Variants in CSMD1 observed in about 807,000 individuals in gnomAD.
CSMD1 encodes CUB and sushi domain-containing protein 1.
CSMD1 carries 213 observed loss-of-function variants against 417.5 expected under a neutral mutation model. The observed-to-expected ratio is 0.51, with a 90% CI of 0.46 to 0.57. CSMD1 has a LOEUF of 0.57. Among genes scored for constraint, CSMD1 ranks in the 20% least tolerant of loss-of-function variants. The pLI is 0.00. For missense variants in CSMD1, 6,923 were observed against 4,529.7 expected, an observed-to-expected ratio of 1.53 and a Z score of -15.17; for synonymous variants, 2,862 against 1,736.8, an observed-to-expected ratio of 1.65 and a Z score of -16.11.
intron 1 of CSMD1, among the ~76,000 whole-genome samples, chr8:4,915,883 G>C (rs1240473036): frequency 6.6e-6 from 1 of 152,200 alleles, no homozygotes; most frequent in Non-Finnish European, 1.5e-5. Flanking sequence ...TTTTCAGCAA[G>C]CCATAAGTGC....
rs548560076 is a variant in CSMD1 at position 4,099,876 on chromosome 8, T to C, written c.416-67777A>G. On this transcript the variant is annotated intron_variant, in intron 3 of 69. Transcript: ENST00000635120. ...TCTTTTCCGTTTATTTAAGTTTTAG[T>C]TGTACTGGGAACCAGTTCAGACATG... 1.9e-4 allele frequency among the ~76,000 whole-genome samples: 29 copies of C among 152,292 alleles called. 2 individuals are homozygous for C. In the South Asian group the frequency reaches 5.6e-3, roughly 29 times the overall value.
At chr8:3,780,433 G>C (rs569146086) in intron 5 of CSMD1, among the ~76,000 whole-genome samples, 1 of 152,206 alleles carries the variant, frequency 6.6e-6, no homozygotes, top group Non-Finnish European at 1.5e-5. Context: ...TGACTCACTA[G>C]TAAGAGTGGA....
chr8:3,260,991 C>T (rs9644334), intron 26 of CSMD1, among the ~76,000 whole-genome samples: 1 of 150,894 alleles, frequency 6.6e-6, no homozygotes, highest in African/African-American at 2.5e-5. Flanking sequence ...GGAAAAGGAA[C>T]AACAACAACA....
chr8:3,293,398 C>G (rs866355440), intron 25 of CSMD1, among the ~76,000 whole-genome samples: 2 of 152,138 alleles, frequency 1.3e-5, no homozygotes, highest in African/African-American at 4.8e-5. Flanking sequence ...GGAATTTCTC[C>G]TGGTTAATAT....
At chr8:3,647,482 G>A (rs1797635322) in intron 7 of CSMD1, among the ~76,000 whole-genome samples, 2 of 152,088 alleles carry the variant, frequency 1.3e-5, no homozygotes. Context: ...AGCATAAAAA[G>A]AAATATAGCA....
At chr8:4,368,045 C>A (rs1802188049) in intron 3 of CSMD1, among the ~76,000 whole-genome samples, 1 of 152,116 alleles carries the variant, frequency 6.6e-6, no homozygotes, top group African/African-American at 2.4e-5. Context: ...ACTTCCAGTA[C>A]TATGTTGAAT....
chr8:3,245,900 A>G (rs1405232305), intron 26 of CSMD1, among the ~76,000 whole-genome samples: 1 of 152,210 alleles, frequency 6.6e-6, no homozygotes, highest in East Asian at 1.9e-4. Flanking sequence ...ATTGCCAGTG[A>G]CATGAATCGC....
intron 5 of CSMD1, among the ~76,000 whole-genome samples, chr8:3,885,698 G>A (rs1806515542): frequency 6.6e-6 from 1 of 152,036 alleles, no homozygotes; most frequent in Non-Finnish European, 1.5e-5. Context: ...AAATGCACGT[G>A]TGAGCTCATG....
chr8:3,377,985 G>A (rs59125032), intron 18 of CSMD1, among the ~76,000 whole-genome samples: 1 of 152,128 alleles, frequency 6.6e-6, no homozygotes, highest in Admixed American at 6.5e-5. Flanking sequence ...TCATGGCCTG[G>A]AGCAATTCCA....
chr8:4,994,309 G>T (rs566270893), intron 1 of CSMD1, 23 bp downstream of exon 1: 2 of 1,604,654 alleles, frequency 1.2e-6, no homozygotes, highest in Admixed American at 1.7e-5. Context: ...CCGCCTCCCC[G>T]GCCAGGAGCA....
intron 1 of CSMD1, among the ~76,000 whole-genome samples, chr8:4,684,639 T>G (rs185617998): frequency 2.4e-4 from 37 of 152,314 alleles, no homozygotes; most frequent in Non-Finnish European, 4.6e-4. Flanking sequence ...ATTAATTGAA[T>G]GTAAGGATTA....
At chr8:3,975,554 T>C (rs910195604) in intron 5 of CSMD1, among the ~76,000 whole-genome samples, 1 of 152,186 alleles carries the variant, frequency 6.6e-6, no homozygotes, top group Non-Finnish European at 1.5e-5. Context: ...ACTGTCGGGA[T>C]GACGGGCAGC....
At position 4,466,978 on chromosome 8, in the gene CSMD1, G is replaced by A. The variant is rs545295695; in HGVS notation, c.303-46913C>T. 3.3e-4 allele frequency among the ~76,000 whole-genome samples: 50 copies of A among 152,034 alleles called. No individual in the cohort carries two copies. In the South Asian group the frequency reaches 1.0e-2, roughly 30 times the overall value. The stretch of plus-strand genomic sequence containing the variant: ...TTCCTTCCCTTAGCTGTAAGGAAAT[G>A]CTCAGCTGTGGGAGCTTTCTCAACA... On this transcript the variant is annotated intron_variant, in intron 2 of 69. Coordinates refer to ENST00000635120, the MANE Select transcript of CSMD1 (RefSeq NM_033225.6).
At chr8:3,332,048 A>G (rs945079769) in intron 23 of CSMD1, among the ~76,000 whole-genome samples, 7 of 152,254 alleles carry the variant, frequency 4.6e-5, no homozygotes, top group African/African-American at 1.7e-4. Context: ...ATAATAGATC[A>G]TAGATTATCA....
intron 7 of CSMD1, among the ~76,000 whole-genome samples, chr8:3,649,111 C>T (rs1797720202): frequency 6.6e-6 from 1 of 152,146 alleles, no homozygotes; most frequent in South Asian, 2.1e-4. Flanking sequence ...CTCAGTGATT[C>T]AGTAGCAATA....
At chr8:4,605,279 G>A (rs1387803340) in intron 2 of CSMD1, among the ~76,000 whole-genome samples, 1 of 151,248 alleles carries the variant, frequency 6.6e-6, no homozygotes, top group African/African-American at 2.4e-5. Context: ...AAGAAAAAAA[G>A]AAGAAGAAGA....
chr8:3,040,465 T>G (rs1004747010), intron 50 of CSMD1, among the ~76,000 whole-genome samples: 2 of 148,724 alleles, frequency 1.3e-5, no homozygotes, highest in Non-Finnish European at 3.0e-5. Context: ...GAAATCTATC[T>G]ATCTATATAT....
At chr8:4,047,628 T>G (rs1013838373) in intron 3 of CSMD1, among the ~76,000 whole-genome samples, 2 of 152,136 alleles carry the variant, frequency 1.3e-5, no homozygotes, top group Non-Finnish European at 2.9e-5. Flanking sequence ...GCACTAGGAA[T>G]GCAATATCGC....
At position 2,974,479 on chromosome 8, in the gene CSMD1, G is replaced by C. The variant is rs757958984; in HGVS notation, c.8712C>G (p.His2904Gln). 4 of 1,612,228 alleles carry C rather than the reference G, an allele frequency of 2.5e-6. 1 individual carries two copies. The highest frequency in any genetic ancestry group is 2.2e-5 in the South Asian group (2 of 91,022). The change falls in exon 56 of 70, where the codon CAC (histidine) becomes CAG (glutamine). Residue 2904 changes from histidine (H) to glutamine (Q), a missense_variant. Coordinates refer to ENST00000635120, the MANE Select transcript of CSMD1 (RefSeq NM_033225.6). ...TGCAGTGGGGCAGTGCCCCGCTCCA[G>C]TGACTGTCTTCCTGGCACACTCTCG... ...NDTRVCQEDS[H>Q]WSGALPHCTG...
Sources: gnomAD v4.1 joint callset for allele counts (sites outside exome capture counted in the v4.1 genomes callset) on GRCh38, gnomAD v4.1.1 for gene constraint, MANE v1.5 for transcripts, NCBI Gene and HGNC (gene_info 2026-07-23, HGNC 2026-07-21) for gene names.